Variants in MLIP observed in about 807,000 individuals in gnomAD.
MLIP encodes muscular LMNA-interacting protein.
MLIP carries 79 observed loss-of-function variants against 84.8 expected under a neutral mutation model. The ratio of observed to expected loss-of-function variants is 0.93; its 90% CI spans 0.78 to 1.12. The LOEUF (loss-of-function observed/expected upper bound fraction) is 1.12. MLIP is among the 50% of genes most tolerant of loss of function. The pLI, the probability that MLIP is intolerant of heterozygous loss-of-function variation, is 0.00. For missense variants in MLIP, 1,257 were observed against 1,160.6 expected, an observed-to-expected ratio of 1.08 and a Z score of -1.21; for synonymous variants, 504 against 463.0, an observed-to-expected ratio of 1.09 and a Z score of -1.14.
intron 3 of MLIP, 24 bp from the exon 4 acceptor site, chr6:54,136,691 T>G: frequency 7.0e-7 from 1 of 1,426,678 alleles, no homozygotes. Flanking sequence ...CCTATTTCAA[T>G]CTGTCTATTT....
At chr6:54,198,559 G>C (rs998472729) in intron 10 of MLIP, among the ~76,000 whole-genome samples, 12 of 152,096 alleles carry the variant, frequency 7.9e-5, no homozygotes, top group Non-Finnish European at 1.6e-4. Flanking sequence ...CTGTAACTCT[G>C]TGTGGTATAA....
intron 1 of MLIP, among the ~76,000 whole-genome samples, chr6:54,095,551 G>A (rs1487420209): frequency 2.0e-5 from 3 of 151,926 alleles, no homozygotes; most frequent in African/African-American, 7.3e-5. Flanking sequence ...GACTCCTGCT[G>A]TAACTGGAAT....
chr6:54,220,074 C>G (rs2150768975), intron 11 of MLIP, among the ~76,000 whole-genome samples: 1 of 152,192 alleles, frequency 6.6e-6, no homozygotes, highest in Non-Finnish European at 1.5e-5. Context: ...CTAACATAAG[C>G]TTGTCATCAG....
At chr6:54,085,931 T>G (rs1167565027) in intron 1 of MLIP, among the ~76,000 whole-genome samples, 1 of 152,182 alleles carries the variant, frequency 6.6e-6, no homozygotes, top group Admixed American at 6.6e-5. Context: ...CTGCTCTCAC[T>G]TCTTCTGAAT....
chr6:54,125,526 G>C (rs1275476473), intron 3 of MLIP, among the ~76,000 whole-genome samples: 2 of 152,160 alleles, frequency 1.3e-5, no homozygotes, highest in African/African-American at 2.4e-5. Flanking sequence ...ACCCACATCT[G>C]TGATGGCAGG....
chr6:54,089,563 C>A (rs1173033433), intron 1 of MLIP, among the ~76,000 whole-genome samples: 2 of 152,148 alleles, frequency 1.3e-5, no homozygotes, highest in South Asian at 2.1e-4. Context: ...AGCTCTAACT[C>A]TGAGACTGTC....
chr6:54,256,058 T>G (rs1158392478), intron 12 of MLIP, among the ~76,000 whole-genome samples: 1 of 152,140 alleles, frequency 6.6e-6, no homozygotes, highest in Non-Finnish European at 1.5e-5. Context: ...TATTTAGATT[T>G]CTAGTTGGCT....
chr6:54,105,321 G>C (rs1768932475), intron 1 of MLIP, among the ~76,000 whole-genome samples: 1 of 152,134 alleles, frequency 6.6e-6, no homozygotes, highest in Non-Finnish European at 1.5e-5. Flanking sequence ...GAACGCCAGT[G>C]ATTTCCTATT....
intron 11 of MLIP, chr6:54,215,827 A>C (rs1680862150): frequency 6.6e-6 from 1 of 152,456 alleles, no homozygotes; most frequent in Non-Finnish European, 1.5e-5. Context: ...CATCCATTTC[A>C]ACCAAAAGTC....
At chr6:54,140,782 T>TAAAA (rs1772228488) in intron 4 of MLIP, among the ~76,000 whole-genome samples, 4 of 152,178 alleles carry the variant, frequency 2.6e-5, no homozygotes, top group Non-Finnish European at 4.4e-5. Context: ...CCCAAGCTCT[T>TAAAA]TTGATGTTTG....
intron 9 of MLIP, among the ~76,000 whole-genome samples, chr6:54,178,507 T>A (rs1776527795): frequency 1.3e-5 from 2 of 152,180 alleles, no homozygotes; most frequent in Non-Finnish European, 2.9e-5. Context: ...TATTAGGTTA[T>A]TCAAAGTTTG....
chr6:54,099,814 T>A (rs1363992568), intron 1 of MLIP, among the ~76,000 whole-genome samples: 1 of 152,168 alleles, frequency 6.6e-6, no homozygotes, highest in Non-Finnish European at 1.5e-5. Flanking sequence ...GCTTTCCATG[T>A]AGACTTATCA....
At chr6:54,115,302 G>T (rs1029794913) in intron 1 of MLIP, among the ~76,000 whole-genome samples, 8 of 152,104 alleles carry the variant, frequency 5.3e-5, no homozygotes, top group African/African-American at 1.9e-4. Flanking sequence ...GAGGACAAGG[G>T]ATTTGAGGGG....
intron 1 of MLIP, chr6:54,043,297 G>A (rs1017838858): frequency 2.7e-5 from 4 of 149,424 alleles, no homozygotes; most frequent in Non-Finnish European, 3.0e-5. Flanking sequence ...TCCATGATAT[G>A]TTTCTATTTG....
chr6:54,159,789 G>T (rs1254706850), intron 5 of MLIP, among the ~76,000 whole-genome samples: 1 of 152,036 alleles, frequency 6.6e-6, no homozygotes, highest in East Asian at 1.9e-4. Flanking sequence ...TGCCCATTAG[G>T]CCCAGCTGAG....
At chr6:54,059,447 T>C (rs1323336130) in intron 1 of MLIP, among the ~76,000 whole-genome samples, 1 of 152,222 alleles carries the variant, frequency 6.6e-6, no homozygotes, top group Non-Finnish European at 1.5e-5. Flanking sequence ...ATACTTCCTC[T>C]TTATTCTCTA....
rs539570234 is a variant in MLIP at position 54,170,361 on chromosome 6, C to T, written c.2544+789C>T. The stretch of plus-strand genomic sequence containing the variant: ...AAATGTGTATTTTGTGTCATATCAT[C>T]ATTGTAATTTTTACAGTTCTGCCTT... On this transcript the variant is annotated intron_variant, in intron 9 of 13. Transcript: ENST00000502396. Among the ~76,000 whole-genome samples the T allele has an allele frequency of 7.2e-5, 11 of 151,738 alleles. No individual in the cohort carries two copies. In the East Asian group the frequency reaches 2.1e-3, roughly 29 times the overall value.
chr6:54,246,366 T>C (rs1782082294), intron 12 of MLIP, among the ~76,000 whole-genome samples: 1 of 152,198 alleles, frequency 6.6e-6, no homozygotes, highest in African/African-American at 2.4e-5. Flanking sequence ...TCATTGATTT[T>C]ATTACCAGTA....
intron 1 of MLIP, among the ~76,000 whole-genome samples, chr6:54,099,394 A>G (rs1407071011): frequency 6.6e-6 from 1 of 151,976 alleles, no homozygotes; most frequent in Non-Finnish European, 1.5e-5. Context: ...TTTGTGTATC[A>G]AATTCCTTTA....
Sources: allele counts gnomAD v4.1 joint callset (sites outside exome capture counted in the v4.1 genomes callset), GRCh38; gene constraint gnomAD v4.1.1; transcripts MANE v1.5; gene names NCBI Gene and HGNC (gene_info 2026-07-23, HGNC 2026-07-21).